Variants in LRPAP1 observed in about 807,000 individuals in gnomAD.
LRPAP1 encodes LDL receptor related protein associated protein 1.
A neutral mutation model predicts 39.9 loss-of-function variants in LRPAP1; 41 were observed. That is an observed-to-expected ratio of 1.03 (90% CI 0.80 to 1.33). LRPAP1 has a LOEUF of 1.33. Ranked by LOEUF, LRPAP1 falls within the 40% of genes most tolerant of loss-of-function variation. The pLI is 0.00. For synonymous variants in LRPAP1, 263 were observed against 212.7 expected, an observed-to-expected ratio of 1.24 and a Z score of -2.06; for missense variants, 565 against 482.3, an observed-to-expected ratio of 1.17 and a Z score of -1.61.
At chr4:3,527,612 C>A (rs1181450350) in intron 1 of LRPAP1, among the ~76,000 whole-genome samples, 1 of 152,242 alleles carries the variant, frequency 6.6e-6, no homozygotes, top group Non-Finnish European at 1.5e-5. Context: ...AGAAGCAGCA[C>A]CCTGGGGCAG....
At chr4:3,532,066 G>A (rs938045666) in intron 1 of LRPAP1, 143 bp downstream of exon 1, 2 of 896,398 alleles carry the variant, frequency 2.2e-6, no homozygotes, top group Admixed American at 3.0e-5. Flanking sequence ...ACTTGGGGGA[G>A]GCTGTGCCAA....
chr4:3,515,036 C>T, intron 6 of LRPAP1, 108 bp from the exon 7 acceptor site: 2 of 1,265,036 alleles, frequency 1.6e-6, no homozygotes, highest in Non-Finnish European at 2.2e-6. Context: ...ATACCCGGGG[C>T]AGGACAGGCC....
chr4:3,527,305 C>T (rs568293240), intron 1 of LRPAP1, among the ~76,000 whole-genome samples: 2 of 152,226 alleles, frequency 1.3e-5, no homozygotes, highest in East Asian at 3.9e-4. Context: ...CACTTGCCTG[C>T]GGCGTCCACT....
At position 3,511,070 on chromosome 4, in the gene LRPAP1, C is replaced by G. The variant is rs1577201041; in HGVS notation, c.*1904G>C. 6.6e-6 allele frequency: 1 copy of G among 152,276 alleles called. No individual in the cohort carries two copies. Among genetic ancestry groups the G allele is most frequent in the African/African-American group, 2.4e-5 (1 of 41,434 alleles). 9.4% of individuals were successfully genotyped at this position (152,276 alleles called of 1,614,324 possible). A position where few individuals can be genotyped will look rare whatever the true frequency, so the allele number is the denominator to read the frequency against. On this transcript the variant is annotated 3_prime_UTR_variant, in exon 8 of 8. Transcript: ENST00000650182. Reference sequence around the variant, plus strand: ...CAATTAGACACCACAAAACGCCAGCCAGGCTGTCCATAATTAAAAATACCG... The same window carrying G: ...CAATTAGACACCACAAAACGCCAGCGAGGCTGTCCATAATTAAAAATACCG...
chr4:3,527,417 C>T (rs1302376829), intron 1 of LRPAP1, among the ~76,000 whole-genome samples: 6 of 152,036 alleles, frequency 3.9e-5, no homozygotes, highest in Non-Finnish European at 7.4e-5. Flanking sequence ...GAGGGGCAGT[C>T]GGTGCCTCAG....
chr4:3,523,470 C>T (rs983034226), intron 2 of LRPAP1, among the ~76,000 whole-genome samples: 8 of 152,320 alleles, frequency 5.3e-5, no homozygotes, highest in Admixed American at 3.9e-4. Context: ...GTCTTTAACC[C>T]GGGCGCAGCC....
chr4:3,522,625 CAGACGCCGCCCCACACCCCCTGCCTGG>C (rs1729947839), intron 2 of LRPAP1, among the ~76,000 whole-genome samples: 3 of 140,040 alleles, frequency 2.1e-5, no homozygotes, highest in Admixed American at 7.1e-5. Context: ...CTGGGGAGGA[CAGACGCCGCCCCACACCCCCTGCCTGG>C]GGAGGACGGA....
chr4:3,514,121 T>C (rs1560252805), intron 7 of LRPAP1, among the ~76,000 whole-genome samples: 1 of 152,352 alleles, frequency 6.6e-6, no homozygotes, highest in East Asian at 1.9e-4. Context: ...CACAGGCTGC[T>C]CTCCTGCACA....
chr4:3,519,981 TGCAGA>T, intron 3 of LRPAP1, 86 bp downstream of exon 3: 3 of 1,497,272 alleles, frequency 2.0e-6, no homozygotes, highest in Non-Finnish European at 2.7e-6. Flanking sequence ...CCGGCTCCCA[TGCAGA>T]GCAGAGACTG....
intron 2 of LRPAP1, 168 bp from the exon 3 acceptor site, chr4:3,520,361 T>C (rs757840658): frequency 4.4e-5 from 30 of 686,198 alleles, no homozygotes; most frequent in Admixed American, 8.6e-5. Flanking sequence ...AGAACAAGAA[T>C]GTAAACAAGC....
chr4:3,517,963 CTGCT>C, intron 5 of LRPAP1, 67 bp downstream of exon 5: 2 of 1,517,170 alleles, frequency 1.3e-6, no homozygotes, highest in Non-Finnish European at 1.8e-6. Context: ...AAGCACCTGC[CTGCT>C]TGTCCCCAAA....
rs13325 is a variant in LRPAP1, at chr4:3,518,035, A to G, written c.750T>C (p.Ala250=). 0.15 allele frequency: 243,240 copies of G among 1,601,412 alleles called. 19,842 individuals carry two copies. The highest frequency in any genetic ancestry group is 0.23 in the Middle Eastern group (1,414 of 6,020). Residue 250 remains alanine, a splice_region_variant and synonymous_variant, in exon 5 of 8, where the codon GCT becomes GCC. Transcript: ENST00000650182. The stretch of plus-strand genomic sequence containing the variant: ...CAACAGTCCCGGGCGGGCACTCACC[A>G]GCCTCAGTGCTGTAGCCCTGGTGGC... The part of the protein sequence containing the change: ...RVSHQGYSTE[A]EFEEPRVIDL...
At chr4:3,527,661 G>A (rs767018577) in intron 1 of LRPAP1, among the ~76,000 whole-genome samples, 1 of 152,236 alleles carries the variant, frequency 6.6e-6, no homozygotes, top group Non-Finnish European at 1.5e-5. Flanking sequence ...TGCTGGCCTT[G>A]AGGGGCCCCG....
intron 6 of LRPAP1, among the ~76,000 whole-genome samples, chr4:3,515,368 T>C (rs950063414): frequency 1.3e-5 from 2 of 152,148 alleles, no homozygotes; most frequent in African/African-American, 4.8e-5. Context: ...GGGCCCTCCA[T>C]GTGGCCCCAC....
Position 3,506,010 on chromosome 4 carries a change from G to A in LRPAP1, c.*6964C>T, listed in dbSNP as rs1432003317. On this transcript the variant is annotated 3_prime_UTR_variant, in exon 8 of 8. Transcript: ENST00000650182. ...AGAGATACCTGGAAACCCAGCTTAG[G>A]GAAGTAAAAAAAAAATCACTGCATC... Among the ~76,000 whole-genome samples, 5 of 145,718 alleles carry A rather than the reference G, an allele frequency of 3.4e-5. No homozygotes were observed. The highest frequency in any genetic ancestry group is 7.7e-5 in the Non-Finnish European group (5 of 65,212).
chr4:3,508,657 G>A lies in LRPAP1; in HGVS notation c.*4317C>T, dbSNP rs1317754731. The A allele has an allele frequency of 1.3e-5, 2 of 152,222 alleles. No individual in the cohort carries two copies. Among genetic ancestry groups the A allele is most frequent in the Non-Finnish European group, 2.9e-5 (2 of 68,064 alleles). 9.4% of individuals were successfully genotyped at this position (152,222 alleles called of 1,614,324 possible). A position where few individuals can be genotyped will look rare whatever the true frequency, so the allele number is the denominator to read the frequency against. ...TGCCAGGTCATCTTGGCATATGAAA[G>A]TCAGCGTAATTCACTACAGTAATGC... On this transcript the variant is annotated 3_prime_UTR_variant, in exon 8 of 8. Coordinates refer to ENST00000650182, the MANE Select transcript of LRPAP1 (RefSeq NM_002337.4).
chr4:3,523,361 C>T (rs1383289669), intron 2 of LRPAP1, among the ~76,000 whole-genome samples: 2 of 152,226 alleles, frequency 1.3e-5, no homozygotes, highest in Non-Finnish European at 2.9e-5. Context: ...AGCCATGTCT[C>T]TCTTCCCCAG....
chr4:3,516,011 T>G, intron 6 of LRPAP1, 105 bp downstream of exon 6: 73 of 1,126,690 alleles, frequency 6.5e-5, no homozygotes, highest in Non-Finnish European at 8.2e-5. Flanking sequence ...GCGAGAATCT[T>G]GAGAGAGAGA....
At chr4:3,518,456 ACTCT>A (rs1729798614) in intron 4 of LRPAP1, among the ~76,000 whole-genome samples, 7 of 151,940 alleles carry the variant, frequency 4.6e-5, no homozygotes, top group African/African-American at 1.7e-4. Flanking sequence ...CTGGGGGCTG[ACTCT>A]GGACCCCTGC....
Sources: gnomAD v4.1 joint callset for allele counts (sites outside exome capture counted in the v4.1 genomes callset) on GRCh38, gnomAD v4.1.1 for gene constraint, MANE v1.5 for transcripts, NCBI Gene and HGNC (gene_info 2026-07-23, HGNC 2026-07-21) for gene names.